The following ADAMTS12 variants were observed in gnomAD, a reference collection of about 807,000 sequenced individuals.
The protein encoded by ADAMTS12 is ADAM metallopeptidase with thrombospondin type 1 motif 12, also known as A disintegrin and metalloproteinase with thrombospondin motifs 12.
In ADAMTS12, 118 loss-of-function variants were observed where a neutral mutation model predicts 167.8. That is an observed-to-expected ratio of 0.70 (90% CI 0.61 to 0.82). The LOEUF (loss-of-function observed/expected upper bound fraction) is 0.82. Among genes scored for constraint, ADAMTS12 ranks in the 40% least tolerant of loss-of-function variants. The pLI is 0.00. For missense variants in ADAMTS12, 1,916 were observed against 1,998.8 expected (o/e 0.96, Z 0.79); for synonymous variants, 704 against 716.9 (o/e 0.98, Z 0.29).
intron 2 of ADAMTS12, among the ~76,000 whole-genome samples, chr5:33,862,405 ACC>A (rs1399687451): frequency 7.6e-6 from 1 of 131,986 alleles, no homozygotes; most frequent in Admixed American, 7.7e-5. Flanking sequence ...ATCAGAGAAT[ACC>A]ATAAACACTT....
chr5:33,565,758 A>G (rs1745985729), intron 19 of ADAMTS12, among the ~76,000 whole-genome samples: 1 of 151,678 alleles, frequency 6.6e-6, no homozygotes, highest in South Asian at 2.1e-4. Flanking sequence ...TGTTTGAGAT[A>G]GAATTAATTC....
rs1750773329 is a variant in ADAMTS12, at chr5:33,889,651, T to C, written c.127+2079A>G. On this transcript the variant is annotated intron_variant, in intron 1 of 23. Transcript: ENST00000504830. ...GAATTGATTGTGGTTGGTGAAATGC[T>C]TTTAAAAACTGAAATTATTGGCTGG... Among the ~76,000 whole-genome samples, 3 of 152,322 alleles carry C rather than the reference T, an allele frequency of 2.0e-5. No individual in the cohort carries two copies. In the South Asian group the frequency reaches 6.2e-4, roughly 32 times the overall value.
intron 14 of ADAMTS12, among the ~76,000 whole-genome samples, chr5:33,619,394 T>C (rs1561172415): frequency 6.6e-6 from 1 of 152,192 alleles, no homozygotes; most frequent in Non-Finnish European, 1.5e-5. Context: ...AAGTCCTTTT[T>C]AGCATTTTTG....
chr5:33,706,744 A>G (rs915623578), intron 3 of ADAMTS12, among the ~76,000 whole-genome samples: 2 of 152,236 alleles, frequency 1.3e-5, no homozygotes, highest in Non-Finnish European at 2.9e-5. Flanking sequence ...CCTTCGATAA[A>G]AGTCAACACA....
intron 14 of ADAMTS12, among the ~76,000 whole-genome samples, chr5:33,621,960 T>C (rs1376127601): frequency 6.6e-6 from 1 of 152,188 alleles, no homozygotes; most frequent in Non-Finnish European, 1.5e-5. Flanking sequence ...TGTGAGATAA[T>C]TGGAATCTTG....
chr5:33,688,177 C>T (rs1406191403), intron 3 of ADAMTS12, among the ~76,000 whole-genome samples: 1 of 152,088 alleles, frequency 6.6e-6, no homozygotes, highest in South Asian at 2.1e-4. Context: ...GAATCAGAAC[C>T]AATGTATGAA....
At chr5:33,863,262 T>C (rs1749688889) in intron 2 of ADAMTS12, among the ~76,000 whole-genome samples, 1 of 152,250 alleles carries the variant, frequency 6.6e-6, no homozygotes, top group Non-Finnish European at 1.5e-5. Context: ...TGTCTCTGTT[T>C]GCAGATGACA....
chr5:33,648,772 C>CA (rs750275590), intron 9 of ADAMTS12, 50 bp downstream of exon 9: 3 of 1,606,134 alleles, frequency 1.9e-6, no homozygotes, highest in East Asian at 4.5e-5. Context: ...CTTCCTTCAG[C>CA]ATGCTGGAGA....
chr5:33,827,711 ATAGATAGATAGATAGATAGATAGATAG>A (rs1748137126), intron 2 of ADAMTS12, among the ~76,000 whole-genome samples: 2 of 101,732 alleles, frequency 2.0e-5, no homozygotes, highest in African/African-American at 7.5e-5. Flanking sequence ...AGAAAACAAA[ATAGATAGATAGATAGATAGATAGATAG>A]ATAGATAGAT....
chr5:33,648,074 G>C (rs1180421948), intron 9 of ADAMTS12, among the ~76,000 whole-genome samples: 1 of 152,212 alleles, frequency 6.6e-6, no homozygotes, highest in Admixed American at 6.5e-5. Context: ...GTCAATATGT[G>C]TGTGTTAACA....
chr5:33,639,662 C>A (rs1367160073), intron 11 of ADAMTS12, among the ~76,000 whole-genome samples: 5 of 152,180 alleles, frequency 3.3e-5, no homozygotes, highest in African/African-American at 1.2e-4. Flanking sequence ...CGTCGTCTTC[C>A]TTGATCCAAA....
At chr5:33,599,882 A>T (rs931565508) in intron 16 of ADAMTS12, among the ~76,000 whole-genome samples, 1 of 152,250 alleles carries the variant, frequency 6.6e-6, no homozygotes, top group African/African-American at 2.4e-5. Context: ...AGTTATCATT[A>T]TGTGACACTG....
chr5:33,645,311 C>T (rs934402228), intron 9 of ADAMTS12, among the ~76,000 whole-genome samples: 8 of 152,092 alleles, frequency 5.3e-5, no homozygotes, highest in Non-Finnish European at 1.2e-4. Context: ...CCCCCACTTC[C>T]CCACTAGAAA....
chr5:33,775,491 T>G (rs1427742899), intron 2 of ADAMTS12, among the ~76,000 whole-genome samples: 1 of 152,144 alleles, frequency 6.6e-6, no homozygotes, highest in Non-Finnish European at 1.5e-5. Flanking sequence ...TATGCAAAGT[T>G]TCTTCCAATC....
intron 22 of ADAMTS12, among the ~76,000 whole-genome samples, chr5:33,540,993 T>A (rs1039713319): frequency 6.6e-6 from 1 of 152,152 alleles, no homozygotes; most frequent in Non-Finnish European, 1.5e-5. Flanking sequence ...CTTTGACGAG[T>A]TGACAGAAGT....
chr5:33,740,288 C>A (rs1309097412), intron 3 of ADAMTS12, among the ~76,000 whole-genome samples: 1 of 152,200 alleles, frequency 6.6e-6, no homozygotes, highest in African/African-American at 2.4e-5. Context: ...ACAGCAGTCT[C>A]AGGTATATCA....
chr5:33,656,085 A>G (rs984532605), intron 7 of ADAMTS12, among the ~76,000 whole-genome samples: 2 of 152,180 alleles, frequency 1.3e-5, no homozygotes, highest in Non-Finnish European at 2.9e-5. Flanking sequence ...AATTTGAAAT[A>G]GAACAATAAT....
chr5:33,877,513 G>T (rs1310907085), intron 2 of ADAMTS12, among the ~76,000 whole-genome samples: 1 of 152,152 alleles, frequency 6.6e-6, no homozygotes, highest in Non-Finnish European at 1.5e-5. Context: ...GAATCTAACT[G>T]ATTAAAGAAC....
At chr5:33,620,351 G>A (rs1431679990) in intron 14 of ADAMTS12, among the ~76,000 whole-genome samples, 1 of 152,172 alleles carries the variant, frequency 6.6e-6, no homozygotes, top group Non-Finnish European at 1.5e-5. Context: ...ATGGTATTGT[G>A]CTAAACACAA....
Sources: gnomAD v4.1 joint callset for allele counts (sites outside exome capture counted in the v4.1 genomes callset) on GRCh38, gnomAD v4.1.1 for gene constraint, MANE v1.5 for transcripts, NCBI Gene and HGNC (gene_info 2026-07-23, HGNC 2026-07-21) for gene names.